JADE3: variants seen among roughly 807,000 people sequenced by gnomAD.
The protein encoded by JADE3 is jade family PHD finger 3.
JADE3 carries 2 observed loss-of-function variants against 50.1 expected under a neutral mutation model. The ratio of observed to expected loss-of-function variants is 0.04; its 90% CI spans 0.02 to 0.13. The LOEUF is 0.13. Among genes scored for constraint, JADE3 ranks in the 10% least tolerant of loss-of-function variants. The probability of loss-of-function intolerance (pLI) is 1.00; values close to 1 mark genes in which losing one functional copy is unlikely to be tolerated. For synonymous variants in JADE3, 218 were observed against 232.9 expected, an observed-to-expected ratio of 0.94 and a Z score of 0.58; for missense variants, 475 against 634.4, an observed-to-expected ratio of 0.75 and a Z score of 2.70.
intron 1 of JADE3, among the ~76,000 whole-genome samples, chrX:46,918,429 T>G (rs913025378): frequency 2.0e-4 from 22 of 112,233 alleles, no homozygotes; most frequent in Non-Finnish European, 3.9e-4. Flanking sequence ...TGGGAAGACT[T>G]AAGTATTTTT....
intron 5 of JADE3, among the ~76,000 whole-genome samples, chrX:47,026,790 T>A (rs976440197): frequency 8.9e-6 from 1 of 111,828 alleles, no homozygotes; most frequent in South Asian, 3.7e-4. Flanking sequence ...GGGTTTCTTA[T>A]TATTATACTA....
At chrX:46,963,953 C>G (rs144804796) in intron 1 of JADE3, among the ~76,000 whole-genome samples, 1 of 111,928 alleles carries the variant, frequency 8.9e-6, no homozygotes, top group African/African-American at 3.3e-5. Context: ...CACACAGATA[C>G]AAATTACTCT....
chrX:46,966,582 G>C, intron 1 of JADE3, among the ~76,000 whole-genome samples: 1 of 111,623 alleles, frequency 9.0e-6, no homozygotes, highest in Admixed American at 9.6e-5. Context: ...AGTGATCAGC[G>C]TGTCAAATGC....
intron 2 of JADE3, 83 bp from the exon 3 acceptor site, chrX:46,985,630 C>T (rs1927843791): frequency 3.2e-6 from 2 of 626,800 alleles, no homozygotes; most frequent in African/African-American, 4.5e-5. Context: ...TTCATATTCT[C>T]TTGGGTGACA....
chrX:47,047,304 C>T (rs1240736161), intron 8 of JADE3, among the ~76,000 whole-genome samples: 2 of 111,647 alleles, frequency 1.8e-5, no homozygotes, highest in Non-Finnish European at 3.8e-5. Flanking sequence ...CCCAGCACTT[C>T]GGGAGGCCAA....
In JADE3 at chrX:47,059,640, C is replaced by G. The variant is rs1929719758; in HGVS notation, c.*563C>G. The stretch of plus-strand genomic sequence containing the variant: ...GTTTCTTTCACAGTATCTTAACTTA[C>G]TGAGTCAATACTCCTCATGCTTATC... On this transcript the variant is annotated 3_prime_UTR_variant, in exon 11 of 11. Coordinates refer to ENST00000614628, the MANE Select transcript of JADE3 (RefSeq NM_014735.5). The G allele has an allele frequency of 8.9e-6, 1 of 112,490 alleles. No individual in the cohort carries two copies. The highest frequency in any genetic ancestry group is 3.2e-5 in the African/African-American group (1 of 30,794). 9.3% of individuals were successfully genotyped at this position (112,490 alleles called of 1,213,427 possible). A position where few individuals can be genotyped will look rare whatever the true frequency, so the allele number is the denominator to read the frequency against.
At position 47,058,793 on chromosome X, in the gene JADE3, C is replaced by T; in HGVS notation, c.2188C>T (p.Leu730Phe). The T allele has an allele frequency of 8.3e-7, 1 of 1,209,095 alleles. No homozygotes were observed. Among genetic ancestry groups the T allele is most frequent in the Non-Finnish European group, 1.1e-6 (1 of 893,316 alleles). Residue 730 changes from leucine (L) to phenylalanine (F), a missense_variant, in exon 11 of 11, where the codon CTC becomes TTC. By Grantham distance (22) the Leu-to-Phe change is conservative. Around this residue, in one of 6 missense-constraint regions of JADE3, gnomAD observed 243 missense variants for 238.2 expected, o/e 1.02. Transcript: ENST00000614628. ...TAGGTGGGTGAAGAACACAGAGGAC[C>T]TCCAGTGCTATGTGAAGCCAACCAA... is the stretch of plus-strand genomic sequence containing the variant. ...TNRWVKNTED[L>F]QCYVKPTKNM... is the part of the protein sequence containing the mutation.
At chrX:46,996,071 C>G (rs1365776897) in intron 3 of JADE3, among the ~76,000 whole-genome samples, 1 of 112,277 alleles carries the variant, frequency 8.9e-6, no homozygotes, top group African/African-American at 3.2e-5. Flanking sequence ...GAGTCTCGCT[C>G]TGTCGCCCAG....
At chrX:47,026,824 C>T (rs1354265868) in intron 5 of JADE3, among the ~76,000 whole-genome samples, 1 of 111,173 alleles carries the variant, frequency 9.0e-6, no homozygotes, top group Non-Finnish European at 1.9e-5. Flanking sequence ...GAACACTAAG[C>T]CCTAAAGAGG....
chrX:47,026,900 C>T (rs1556365642), intron 5 of JADE3, among the ~76,000 whole-genome samples: 1 of 110,991 alleles, frequency 9.0e-6, no homozygotes, highest in African/African-American at 3.3e-5. Flanking sequence ...TCCAAGTTTT[C>T]TTGTAACCAG....
chrX:46,920,921 C>T (rs1926207541), intron 1 of JADE3, among the ~76,000 whole-genome samples: 1 of 111,709 alleles, frequency 9.0e-6, no homozygotes, highest in Non-Finnish European at 1.9e-5. Flanking sequence ...AAATCTTTCT[C>T]TCAGGGTATG....
rs986039783 is a variant in JADE3, at chrX:47,058,549, A to G, written c.1944A>G (p.Gly648=). The change falls in exon 11 of 11, where the codon GGA becomes GGG. Residue 648 remains glycine (G), a synonymous_variant. Transcript: ENST00000614628. ...TGGTCCTTCAGGCTGCCCTCCATGG[A>G]CAGTCTTCCATTGGGAATGGGAAAA... is the stretch of plus-strand genomic sequence containing the variant. ...KPLVLQAALH[G]QSSIGNGKSQ... is the part of the protein sequence containing the mutation. 1.3e-5 allele frequency: 16 copies of G among 1,209,238 alleles called. No homozygotes were observed. The African/African-American group carries it at 2.6e-4, about 20-fold the overall frequency.
chrX:46,916,046 G>GT (rs1309317326), intron 1 of JADE3, among the ~76,000 whole-genome samples: 3 of 111,593 alleles, frequency 2.7e-5, no homozygotes, highest in African/African-American at 6.5e-5. Flanking sequence ...CCTAGAATGT[G>GT]TTTTTTTGTT....
chrX:46,951,358 A>T (rs1926999246), intron 1 of JADE3, among the ~76,000 whole-genome samples: 2 of 91,076 alleles, frequency 2.2e-5, no homozygotes, highest in African/African-American at 3.8e-5. Context: ...AGGCCGAGGC[A>T]GGCAGATCAC....
At position 47,012,622 on chromosome X, in the gene JADE3, G is replaced by GT. The variant is rs374831204; in HGVS notation, c.285-12091dup. Reference sequence around the variant, plus strand: ...AATTGTGATGAAGTCCAGTTTATCTGTTTTTTTTTTTGTTGTTGTTGTTGT... The same window carrying GT: ...AATTGTGATGAAGTCCAGTTTATCTGTTTTTTTTTTTTGTTGTTGTTGTTGT... On this transcript the variant is annotated intron_variant, in intron 4 of 10. Transcript: ENST00000614628. Among the ~76,000 whole-genome samples, 623 of 103,578 alleles carry GT rather than the reference G, an allele frequency of 6.0e-3. 3 individuals are homozygous for GT. Among genetic ancestry groups the GT allele is most frequent in the African/African-American group, 8.2e-3 (241 of 29,322 alleles). The allele number at this position is 103,578 out of a possible 115,157, so 89.9% of individuals were successfully genotyped here.
At chrX:46,980,414 C>G (rs981825790) in intron 1 of JADE3, among the ~76,000 whole-genome samples, 1 of 110,926 alleles carries the variant, frequency 9.0e-6, no homozygotes, top group Admixed American at 9.7e-5. Flanking sequence ...TTTGATATTA[C>G]ACGTGTGTGT....
chrX:47,003,040 C>G (rs1306826444), intron 4 of JADE3, among the ~76,000 whole-genome samples: 2 of 111,155 alleles, frequency 1.8e-5, no homozygotes, highest in African/African-American at 6.5e-5. Flanking sequence ...TGAAATGATC[C>G]CTATCAAATG....
At chrX:46,941,726 C>G (rs1452766586) in intron 1 of JADE3, among the ~76,000 whole-genome samples, 1 of 60,903 alleles carries the variant, frequency 1.6e-5, no homozygotes, top group African/African-American at 6.3e-5. Flanking sequence ...TGTCCATGTC[C>G]TTTGCCCACA....
intron 8 of JADE3, among the ~76,000 whole-genome samples, chrX:47,050,163 A>G (rs1474652840): frequency 9.5e-6 from 1 of 105,724 alleles, no homozygotes; most frequent in Admixed American, 1.0e-4. Flanking sequence ...CAAACCTTTG[A>G]GCTCAAGCGA....
Sources: gnomAD v4.1 joint callset for allele counts (sites outside exome capture counted in the v4.1 genomes callset) on GRCh38, gnomAD v4.1.1 for gene constraint, gnomAD v4.1.1 regional missense constraint, MANE v1.5 for transcripts, NCBI Gene and HGNC (gene_info 2026-07-23, HGNC 2026-07-21) for gene names.